Variants in ABCC10 observed in about 807,000 individuals in gnomAD.
ABCC10 encodes the protein ATP-binding cassette sub-family C member 10.
Under a neutral mutation model 143.2 loss-of-function variants are expected in ABCC10, and 110 were observed. That is an observed-to-expected ratio of 0.77 (90% CI 0.66 to 0.90). ABCC10 has a LOEUF of 0.90. ABCC10 is among the 40% of genes least tolerant of loss of function. The pLI, the probability that ABCC10 is intolerant of heterozygous loss-of-function variation, is 0.00. For missense variants in ABCC10, 1,700 were observed against 1,900.5 expected, an observed-to-expected ratio of 0.89 and a Z score of 1.96; for synonymous variants, 805 against 846.7, an observed-to-expected ratio of 0.95 and a Z score of 0.85.
chr6:43,444,664 A>G, intron 12 of ABCC10, 124 bp from the exon 13 acceptor site: 9 of 1,369,836 alleles, frequency 6.6e-6, no homozygotes, highest in Admixed American at 2.3e-5. Context: ...CAGGGTGGGG[A>G]GGCCAGGCCA....
At chr6:43,451,810 G>T, downstream of ABCC10, 2 of 1,445,376 alleles carry the variant, frequency 1.4e-6, no homozygotes, top group South Asian at 1.5e-5. This position sits in a 1 kb window ranked among gnomAD's most constrained non-coding sequence, Gnocchi z 4.4. Flanking sequence ...GCATGCAGGG[G>T]TTTTATCTGA....
Position 43,444,342 on chromosome 6 carries a change from T to C in ABCC10, c.2678T>C (p.Leu893Pro). The C allele has an allele frequency of 6.2e-7, 1 of 1,607,016 alleles. No homozygotes were observed. The highest frequency in any genetic ancestry group is 8.5e-7 in the Non-Finnish European group (1 of 1,176,920). Residue 893 changes from leucine (L) to proline (P), a missense_variant, in exon 12 of 22, where the codon CTT becomes CCT. Leu to Pro is a moderately conservative substitution (Grantham distance 98, BLOSUM62 -3). Coordinates refer to ENST00000372530, the MANE Select transcript of ABCC10 (RefSeq NM_001198934.2). ...GLALAILFSL[L>P]LMQATRNAAD... ...GCCTTAGCCATCCTCTTCTCTCTGC[T>C]TCTCATGCAAGGTGAGAGCGTGCCT... is the stretch of plus-strand genomic sequence containing the variant.
Position 43,432,964 on chromosome 6 carries a change from G to C in ABCC10, c.984G>C (p.Leu328=), listed in dbSNP as rs976949093. The C allele has an allele frequency of 6.2e-7, 1 of 1,614,190 alleles. No homozygotes were observed. Residue 328 remains leucine, a synonymous_variant, in exon 3 of 22, where the codon CTG becomes CTC. Transcript: ENST00000372530. ...EPLSHGLLYA[L]GLAGGAVLGA... ...TAAGCCACGGCCTGCTCTATGCTCT[G>C]GGGCTAGCCGGTGGGGCTGTGCTGG...
At position 43,432,673 on chromosome 6, in the gene ABCC10, C is replaced by T; in HGVS notation, c.693C>T (p.Pro231=). The T allele has an allele frequency of 1.2e-6, 2 of 1,614,020 alleles. No individual in the cohort carries two copies. The highest frequency in any genetic ancestry group is 1.3e-5 in the African/African-American group (1 of 75,070). Residue 231 remains proline, a synonymous_variant, in exon 3 of 22, where the codon CCC becomes CCT. Transcript: ENST00000372530. ...LSRFSYAWLA[P]LLARGACGEL... Reference sequence around the variant, plus strand: ...GCTTTTCCTATGCCTGGCTGGCACCCTTGCTGGCCCGTGGGGCCTGTGGAG... The same window carrying T: ...GCTTTTCCTATGCCTGGCTGGCACCTTTGCTGGCCCGTGGGGCCTGTGGAG...
At position 43,434,814 on chromosome 6, in the gene ABCC10, A is replaced by G. The variant is rs760707997; in HGVS notation, c.1574A>G (p.Tyr525Cys). The change falls in exon 4 of 22, where the codon TAT (tyrosine) becomes TGT (cysteine). Residue 525 changes from tyrosine to cysteine, a missense_variant. By Grantham distance (194) the Tyr-to-Cys change is radical. Coordinates refer to ENST00000372530, the MANE Select transcript of ABCC10 (RefSeq NM_001198934.2). ...ATCTCCATCGTTATCTTCATCACCT[A>G]TGTCCTCATGGGGCACCAGCTCACT... ...VVISIVIFIT[Y>C]VLMGHQLTAT... The G allele has an allele frequency of 1.6e-5, 26 of 1,614,092 alleles. No individual in the cohort carries two copies. The highest frequency in any genetic ancestry group is 2.7e-5 in the African/African-American group (2 of 74,998).
chr6:43,449,319 C>A, intron 20 of ABCC10, 103 bp from the exon 21 acceptor site: 2 of 1,493,702 alleles, frequency 1.3e-6, no homozygotes, highest in Non-Finnish European at 9.1e-7. Context: ...CCTTTTAGAG[C>A]TGGAAGTGGG....
At chr6:43,430,538 C>T (rs929157829) in intron 2 of ABCC10, among the ~76,000 whole-genome samples, 3 of 149,120 alleles carry the variant, frequency 2.0e-5, no homozygotes, top group South Asian at 2.3e-4. Flanking sequence ...GAGGTTGCAG[C>T]GAGCTGAGAT....
Position 43,445,659 on chromosome 6 carries a change from G to A in ABCC10, c.3091G>A (p.Asp1031Asn). 1 of 1,614,178 alleles carries A rather than the reference G, an allele frequency of 6.2e-7. No homozygotes were observed. Among genetic ancestry groups the A allele is most frequent in the East Asian group, 2.2e-5 (1 of 44,880 alleles). Reference protein sequence around the residue: ...TGRILNRFSSDVACADDSLPF... With the variant: ...TGRILNRFSSNVACADDSLPF... The stretch of plus-strand genomic sequence containing the variant: ...CCGGATCCTAAACCGCTTCTCCTCT[G>A]ATGTGGCCTGTGCGGATGACAGCCT... The change falls in exon 15 of 22, where the codon GAT becomes AAT. Residue 1031 changes from aspartate to asparagine, a missense_variant. Physicochemically the swap from Asp to Asn is conservative, Grantham distance 23 (BLOSUM62 1). Coordinates refer to ENST00000372530, the MANE Select transcript of ABCC10 (RefSeq NM_001198934.2).
Position 43,432,978 on chromosome 6 carries a change from G to C in ABCC10, c.998G>C (p.Gly333Ala). 1 of 1,614,188 alleles carries C rather than the reference G, an allele frequency of 6.2e-7. No homozygotes were observed. Among genetic ancestry groups the C allele is most frequent in the Non-Finnish European group, 8.5e-7 (1 of 1,180,024 alleles). Residue 333 changes from glycine (G) to alanine (A), a missense_variant, in exon 3 of 22, where the codon GGG becomes GCG. Gly to Ala is a moderately conservative substitution (Grantham distance 60, BLOSUM62 0). Transcript: ENST00000372530. ...GLLYALGLAG[G>A]AVLGAVLQNQ... ...CTCTATGCTCTGGGGCTAGCCGGTG[G>C]GGCTGTGCTGGGTGCTGTGCTGCAG...
rs746160379 is a variant in ABCC10, at chr6:43,438,646, C to T, written c.1978C>T (p.Arg660Trp). Residue 660 changes from arginine to tryptophan, a missense_variant, in exon 8 of 22, where the codon CGG (arginine) becomes TGG (tryptophan). Coordinates refer to ENST00000372530, the MANE Select transcript of ABCC10 (RefSeq NM_001198934.2). ...LHRLRGHVAV[R>W]GLSKGFGLAT... ...CAGGCTGCGTGGGCATGTGGCAGTG[C>T]GGGGGCTGTCCAAGGGCTTTGGCCT... 14 of 1,613,960 alleles carry T rather than the reference C, an allele frequency of 8.7e-6. No homozygotes were observed. Among genetic ancestry groups the T allele is most frequent in the East Asian group, 4.5e-5 (2 of 44,898 alleles).
At chr6:43,451,048 C>T, downstream of ABCC10, 1 of 1,614,234 alleles carries the variant, frequency 6.2e-7, no homozygotes, top group Non-Finnish European at 8.5e-7. The surrounding 1 kb of genome is among the most constrained non-coding windows in gnomAD (Gnocchi z 4.4). Context: ...CTGGCACAGT[C>T]ATCCAGGTTG....
At position 43,446,315 on chromosome 6, in the gene ABCC10, A is replaced by T; in HGVS notation, c.3413A>T (p.Gln1138Leu). Residue 1138 changes from glutamine (Q) to leucine (L), a missense_variant, in exon 16 of 22, where the codon CAG (glutamine) becomes CTG (leucine). By Grantham distance (113) the Gln-to-Leu change is moderately radical. Transcript: ENST00000372530. ...AACCTGCGACTCCTTGAGCTAAACC[A>T]GAGGTGCCAGTTTGCCACCAGTGCC... ...EENLRLLELN[Q>L]RCQFATSATM... is the part of the protein sequence containing the mutation. 6.2e-7 allele frequency: 1 copy of T among 1,614,016 alleles called. No individual in the cohort carries two copies. Among genetic ancestry groups the T allele is most frequent in the Non-Finnish European group, 8.5e-7 (1 of 1,179,948 alleles).
intron 6 of ABCC10, among the ~76,000 whole-genome samples, chr6:43,437,143 TCTC>T (rs1781811248): frequency 6.6e-6 from 1 of 152,112 alleles, no homozygotes; most frequent in African/African-American, 2.4e-5. Context: ...CTGGTTCTCT[TCTC>T]TCTGTGGACA....
chr6:43,443,890 G>A lies in ABCC10; in HGVS notation c.2417-43G>A, dbSNP rs1782739932. 1 of 1,558,878 alleles carries A rather than the reference G, an allele frequency of 6.4e-7. No individual in the cohort carries two copies. The highest frequency in any genetic ancestry group is 1.7e-5 in the Admixed American group (1 of 59,936). The stretch of plus-strand genomic sequence containing the variant: ...CACGCACTGAGAAAGGCATAGTATA[G>A]ACTCAGAACAGTCCTCTCCCAATCT... On this transcript the variant is annotated intron_variant, in intron 10 of 21. Transcript: ENST00000372530. The surrounding 1 kb of genome is among the most constrained non-coding windows in gnomAD (Gnocchi z 4.2).
downstream of ABCC10, chr6:43,450,854 G>T (rs770681753): frequency 1.9e-6 from 3 of 1,614,068 alleles, no homozygotes; most frequent in East Asian, 4.5e-5. This position sits in a 1 kb window ranked among gnomAD's most constrained non-coding sequence, Gnocchi z 4.5. Flanking sequence ...CTGCGCTGTG[G>T]GGGGCTGGCC....
intron 7 of ABCC10, 179 bp downstream of exon 7, chr6:43,438,192 A>G: frequency 1.1e-6 from 1 of 907,032 alleles, no homozygotes. Context: ...GAATCATTGT[A>G]ATCATTACAC....
In ABCC10 at chr6:43,445,483, A is replaced by C. The variant is rs570188819; in HGVS notation, c.3031-116A>C. ...TGCCCCCAAATTCTGGGGATATTTT[A>C]GTCCTTCCCTATTCTCTATCTTGGG... On this transcript the variant is annotated intron_variant, in intron 14 of 21. Coordinates refer to ENST00000372530, the MANE Select transcript of ABCC10 (RefSeq NM_001198934.2). 2.5e-5 allele frequency: 34 copies of C among 1,366,320 alleles called. No homozygotes were observed. In the African/African-American group the frequency reaches 4.8e-4, roughly 19 times the overall value. 84.6% of individuals were successfully genotyped at this position (1,366,320 alleles called of 1,614,324 possible). A position where few individuals can be genotyped will look rare whatever the true frequency, so the allele number is the denominator to read the frequency against.
intron 17 of ABCC10, 92 bp from the exon 18 acceptor site, chr6:43,447,592 T>A: frequency 6.3e-7 from 1 of 1,576,942 alleles, no homozygotes; most frequent in Non-Finnish European, 8.6e-7. Context: ...TCTCACACTG[T>A]CCATTTCTCA....
chr6:43,442,225 G>A (rs1782548653), intron 9 of ABCC10, among the ~76,000 whole-genome samples: 1 of 152,132 alleles, frequency 6.6e-6, no homozygotes, highest in Admixed American at 6.6e-5. Context: ...CAGGAGGATT[G>A]CTTGGGCCCA....
Sources: gnomAD v4.1 joint callset for allele counts (sites outside exome capture counted in the v4.1 genomes callset) on GRCh38, gnomAD v4.1.1 for gene constraint, Gnocchi (gnomAD v3.1) non-coding constraint, MANE v1.5 for transcripts, NCBI Gene and HGNC (gene_info 2026-07-23, HGNC 2026-07-21) for gene names.